MAGI2: variants seen among roughly 807,000 people sequenced by gnomAD.
The protein encoded by MAGI2 is membrane associated guanylate kinase, WW and PDZ domain containing 2, also known as membrane-associated guanylate kinase, WW and PDZ domain-containing protein 2.
A neutral mutation model predicts 133.3 loss-of-function variants in MAGI2; 35 were observed. The observed-to-expected ratio is 0.26, with a 90% CI of 0.20 to 0.35. MAGI2 has a LOEUF of 0.35. MAGI2 is among the 10% of genes least tolerant of loss of function. MAGI2 has a pLI of 1.00. For synonymous variants in MAGI2, 729 were observed against 710.6 expected, an observed-to-expected ratio of 1.03 and a Z score of -0.41; for missense variants, 1,636 against 1,863.4, an observed-to-expected ratio of 0.88 and a Z score of 2.25.
chr7:79,066,027 G>C (rs987115232), intron 1 of MAGI2, among the ~76,000 whole-genome samples: 1 of 152,146 alleles, frequency 6.6e-6, no homozygotes, highest in African/African-American at 2.4e-5. Flanking sequence ...ACATACACGT[G>C]TATGTGTCTT....
intron 6 of MAGI2, among the ~76,000 whole-genome samples, chr7:78,472,692 G>A (rs908510604): frequency 6.6e-6 from 1 of 152,108 alleles, no homozygotes; most frequent in African/African-American, 2.4e-5. Flanking sequence ...GTGGAATGTT[G>A]GGAGAGCACT....
At chr7:78,704,269 A>G (rs1366020024) in intron 2 of MAGI2, among the ~76,000 whole-genome samples, 2 of 152,190 alleles carry the variant, frequency 1.3e-5, no homozygotes, top group Non-Finnish European at 2.9e-5. Context: ...ACAGGAACAG[A>G]CACTTTCCAA....
At position 78,501,896 on chromosome 7, in the gene MAGI2, G is replaced by C. The variant is rs888993867; in HGVS notation, c.755-109C>G. On this transcript the variant is annotated intron_variant, in intron 4 of 21. Coordinates refer to ENST00000354212, the MANE Select transcript of MAGI2 (RefSeq NM_012301.4). ...AAACGTCATGAATAACTTCTATGAA[G>C]GCTAACAGGAAACATTTCTGAAAAA... The C allele has an allele frequency of 5.4e-6, 4 of 742,144 alleles. No individual in the cohort carries two copies. In the African/African-American group the frequency reaches 7.0e-5, roughly 13 times the overall value. 46.0% of individuals were successfully genotyped at this position (742,144 alleles called of 1,614,324 possible).
intron 21 of MAGI2, among the ~76,000 whole-genome samples, chr7:78,036,587 A>G (rs1810251977): frequency 6.6e-6 from 1 of 152,076 alleles, no homozygotes; most frequent in Non-Finnish European, 1.5e-5. Flanking sequence ...TGGCTCATCC[A>G]GAGATTGTCC....
intron 1 of MAGI2, among the ~76,000 whole-genome samples, chr7:79,350,558 G>C (rs1019701897): frequency 2.0e-5 from 3 of 151,866 alleles, no homozygotes; most frequent in African/African-American, 7.3e-5. Flanking sequence ...TTATAGTTCT[G>C]TTTTAATTAC....
At chr7:78,629,170 G>T (rs1219111848) in intron 2 of MAGI2, among the ~76,000 whole-genome samples, 1 of 151,998 alleles carries the variant, frequency 6.6e-6, no homozygotes, top group Non-Finnish European at 1.5e-5. Context: ...CAGTACTTTC[G>T]GTTCACTAAG....
At chr7:78,929,116 G>A (rs942327785) in intron 2 of MAGI2, among the ~76,000 whole-genome samples, 6 of 152,062 alleles carry the variant, frequency 3.9e-5, no homozygotes, top group Non-Finnish European at 7.4e-5. Flanking sequence ...AACATAAAAT[G>A]TGTGTTAAAT....
At chr7:79,166,324 A>G (rs1434910061) in intron 1 of MAGI2, among the ~76,000 whole-genome samples, 1 of 152,098 alleles carries the variant, frequency 6.6e-6, no homozygotes, top group East Asian at 1.9e-4. Context: ...TCTAGCTTCA[A>G]AGAAAACTGT....
intron 2 of MAGI2, among the ~76,000 whole-genome samples, chr7:78,662,406 A>G (rs569645885): frequency 4.6e-5 from 7 of 152,260 alleles, no homozygotes; most frequent in East Asian, 1.9e-4. Flanking sequence ...GTTACCAACA[A>G]TCGAAACACT....
At chr7:78,343,400 C>A (rs1315784112) in intron 9 of MAGI2, among the ~76,000 whole-genome samples, 1 of 152,064 alleles carries the variant, frequency 6.6e-6, no homozygotes, top group East Asian at 1.9e-4. Context: ...GGTGATATAG[C>A]ATGAGAATAT....
At position 78,627,219 on chromosome 7, in the gene MAGI2, C is replaced by T; in HGVS notation, c.439G>A (p.Glu147Lys). The T allele has an allele frequency of 1.9e-6, 3 of 1,573,472 alleles. No individual in the cohort carries two copies. Among genetic ancestry groups the T allele is most frequent in the Non-Finnish European group, 2.6e-6 (3 of 1,160,878 alleles). The change falls in exon 3 of 22, where the codon GAG (glutamate) becomes AAG (lysine). Residue 147 changes from glutamate (E) to lysine (K), a missense_variant. Glu to Lys is a moderately conservative substitution (Grantham distance 56). Transcript: ENST00000354212. ...TAATCCACTCCAGGGACCTCACCCTCCTTATGTGGCCTTGTGGTGCCTGAA... is the reference window on the plus strand; with the variant it reads ...TAATCCACTCCAGGGACCTCACCCTTCTTATGTGGCCTTGTGGTGCCTGAA... ...TVPCTTRPHK[E>K]GEVPGVDYIF...
intron 1 of MAGI2, among the ~76,000 whole-genome samples, chr7:79,060,214 C>G (rs907590517): frequency 2.6e-5 from 4 of 151,886 alleles, no homozygotes; most frequent in African/African-American, 9.7e-5. Context: ...CAAGGTAGAG[C>G]CATTAAAAGT....
chr7:78,655,171 A>AG (rs1406272400), intron 2 of MAGI2, among the ~76,000 whole-genome samples: 1 of 152,046 alleles, frequency 6.6e-6, no homozygotes, highest in Non-Finnish European at 1.5e-5. Flanking sequence ...CCATTCAGGC[A>AG]GAAAAAGGCT....
intron 1 of MAGI2, among the ~76,000 whole-genome samples, chr7:79,440,764 T>C (rs1211456246): frequency 6.6e-6 from 1 of 152,206 alleles, no homozygotes; most frequent in Non-Finnish European, 1.5e-5. Context: ...TCTTGTGTAC[T>C]ATATTATTAT....
At chr7:78,527,977 A>G (rs910821223) in intron 3 of MAGI2, among the ~76,000 whole-genome samples, 3 of 135,210 alleles carry the variant, frequency 2.2e-5, no homozygotes, top group African/African-American at 8.9e-5. Flanking sequence ...TTCCTCCCCA[A>G]TATTCTCAGT....
chr7:78,946,099 C>A (rs1379427054), intron 2 of MAGI2, among the ~76,000 whole-genome samples: 2 of 152,062 alleles, frequency 1.3e-5, no homozygotes, highest in African/African-American at 4.8e-5. Context: ...CATCTGAGGA[C>A]CATTGCTGTA....
intron 21 of MAGI2, among the ~76,000 whole-genome samples, chr7:78,058,702 T>C (rs946627052): frequency 6.6e-6 from 1 of 152,076 alleles, no homozygotes; most frequent in African/African-American, 2.4e-5. Flanking sequence ...TGTTTTTTTA[T>C]ACCCTCAGAT....
chr7:78,987,148 G>A (rs1030625387), intron 2 of MAGI2, among the ~76,000 whole-genome samples: 1 of 151,950 alleles, frequency 6.6e-6, no homozygotes, highest in African/African-American at 2.4e-5. Context: ...GAATAATGTG[G>A]TATTTCTTCT....
chr7:78,683,443 T>A, intron 2 of MAGI2, among the ~76,000 whole-genome samples: 1 of 152,152 alleles, frequency 6.6e-6, no homozygotes. Context: ...AGAGGAAAAG[T>A]TATTGGATTT....
Sources: gnomAD v4.1 joint callset for allele counts (sites outside exome capture counted in the v4.1 genomes callset) on GRCh38, gnomAD v4.1.1 for gene constraint, MANE v1.5 for transcripts, NCBI Gene and HGNC (gene_info 2026-07-23, HGNC 2026-07-21) for gene names.